The following APC variants were observed in gnomAD, a reference collection of about 807,000 sequenced individuals.
The protein encoded by APC is adenomatous polyposis coli protein.
Under a neutral mutation model 247.0 loss-of-function variants are expected in APC, and 72 were observed. The observed-to-expected ratio is 0.29, with a 90% CI of 0.24 to 0.35. The LOEUF (loss-of-function observed/expected upper bound fraction) is 0.35. Ranked by LOEUF, APC falls within the 10% of genes least tolerant of loss-of-function variation. The pLI is 1.00. For missense variants in APC, 3,400 were observed against 3,360.7 expected, an observed-to-expected ratio of 1.01 and a Z score of -0.29; for synonymous variants, 1,254 against 1,162.5, an observed-to-expected ratio of 1.08 and a Z score of -1.60.
chr5:112,784,460 A>G lies in APC; in HGVS notation c.645+3557A>G, dbSNP rs112733088. ...GCCAAAATTAAAATGCCTGTGCTCT[A>G]TGACCGTGTGTTTCTATAGGACTTC... On this transcript the variant is annotated intron_variant, in intron 6 of 15. Coordinates refer to ENST00000257430, the MANE Select transcript of APC (RefSeq NM_000038.6). Among the ~76,000 whole-genome samples the G allele has an allele frequency of 5.0e-3, 762 of 152,376 alleles. 8 individuals are homozygous for G. The highest frequency in any genetic ancestry group is 0.017 in the African/African-American group (726 of 41,588).
intron 7 of APC, among the ~76,000 whole-genome samples, chr5:112,794,414 T>C (rs1324936171): frequency 2.6e-5 from 4 of 152,176 alleles, no homozygotes; most frequent in African/African-American, 9.7e-5. Flanking sequence ...TATGTGCAGC[T>C]ATGTTTTGAC....
chr5:112,710,261 C>G (rs1399968429), intron 1 of APC, among the ~76,000 whole-genome samples: 1 of 152,144 alleles, frequency 6.6e-6, no homozygotes, highest in East Asian at 1.9e-4. Context: ...TCTGCTGGGT[C>G]TCTAGTGTTG....
intron 7 of APC, among the ~76,000 whole-genome samples, chr5:112,797,466 A>G (rs745643077): frequency 6.6e-6 from 1 of 152,158 alleles, no homozygotes; most frequent in Non-Finnish European, 1.5e-5. Context: ...TTCTTTGGCT[A>G]CCTGTATTAT....
In APC at chr5:112,840,211, A is replaced by G. The variant is rs1554086014; in HGVS notation, c.4617A>G (p.Ser1539=). The G allele has an allele frequency of 6.2e-7, 1 of 1,614,246 alleles. No homozygotes were observed. Among genetic ancestry groups the G allele is most frequent in the Non-Finnish European group, 8.5e-7 (1 of 1,180,038 alleles). The stretch of plus-strand genomic sequence containing the variant: ...ATGACAATGGGAATGAAACAGAATC[A>G]GAGCAGCCTAAAGAATCAAATGAAA... ...QENDNGNETE[S]EQPKESNENQ... Residue 1539 remains serine, a synonymous_variant, in exon 16 of 16, where the codon TCA becomes TCG. Transcript: ENST00000257430. This position sits in a 1 kb window ranked among gnomAD's most constrained non-coding sequence, Gnocchi z 4.1.
intron 2 of APC, among the ~76,000 whole-genome samples, chr5:112,756,734 GTC>G (rs1755027716): frequency 6.6e-6 from 1 of 152,136 alleles, no homozygotes; most frequent in African/African-American, 2.4e-5. Flanking sequence ...GAAGTGGAAT[GTC>G]TCTCAGAGTG....
At chr5:112,756,111 T>C (rs980498234) in intron 2 of APC, among the ~76,000 whole-genome samples, 4 of 152,232 alleles carry the variant, frequency 2.6e-5, no homozygotes, top group African/African-American at 9.6e-5. Flanking sequence ...TTTTTTCCTA[T>C]GCATTTCAAG....
intron 1 of APC, among the ~76,000 whole-genome samples, chr5:112,709,422 C>A (rs574807233): frequency 2.0e-5 from 3 of 152,244 alleles, no homozygotes; most frequent in Admixed American, 2.0e-4. Flanking sequence ...TCGTTGCTAG[C>A]CTTCACTTTT....
chr5:112,789,132 A>G (rs1384602962), intron 6 of APC, among the ~76,000 whole-genome samples: 3 of 152,244 alleles, frequency 2.0e-5, no homozygotes, highest in Admixed American at 2.0e-4. Context: ...GCAGTTTTTA[A>G]AAATCACTTT....
chr5:112,763,071 C>A (rs1755844417), intron 2 of APC, among the ~76,000 whole-genome samples: 1 of 152,100 alleles, frequency 6.6e-6, no homozygotes, highest in Non-Finnish European at 1.5e-5. Flanking sequence ...CTTTGGGAAT[C>A]TTTTTAAAAA....
At chr5:112,775,004 C>A (rs1460553128) in intron 4 of APC, among the ~76,000 whole-genome samples, 1 of 152,132 alleles carries the variant, frequency 6.6e-6, no homozygotes, top group Non-Finnish European at 1.5e-5. Flanking sequence ...AGTTTTATCC[C>A]TGTAACACTC....
chr5:112,722,730 A>G (rs1751552945), intron 1 of APC, among the ~76,000 whole-genome samples: 1 of 152,170 alleles, frequency 6.6e-6, no homozygotes, highest in Non-Finnish European at 1.5e-5. Flanking sequence ...CAAGGGATGC[A>G]GAAGAAGAGA....
chr5:112,814,995 G>A (rs189778430), intron 8 of APC, among the ~76,000 whole-genome samples: 4 of 152,118 alleles, frequency 2.6e-5, no homozygotes, highest in East Asian at 1.9e-4. Context: ...CTTCTACTGC[G>A]GTGTTTATAT....
chr5:112,826,762 T>C (rs929352076), intron 11 of APC, among the ~76,000 whole-genome samples: 1 of 152,108 alleles, frequency 6.6e-6, no homozygotes, highest in Non-Finnish European at 1.5e-5. Context: ...AGTTACCTTT[T>C]TCTGCTTATG....
intron 8 of APC, among the ~76,000 whole-genome samples, chr5:112,812,680 T>C (rs992265145): frequency 6.6e-6 from 1 of 152,224 alleles, no homozygotes; most frequent in Admixed American, 6.5e-5. Context: ...TGTGTTCATA[T>C]AGTTTCTGTC....
chr5:112,719,280 C>T (rs1751350697), intron 1 of APC, among the ~76,000 whole-genome samples: 1 of 151,524 alleles, frequency 6.6e-6, no homozygotes, highest in Admixed American at 6.6e-5. Flanking sequence ...TACAGTGGCA[C>T]AATCTTGGCT....
At position 112,840,535 on chromosome 5, in the gene APC, A is replaced by C. The variant is rs876660116; in HGVS notation, c.4941A>C (p.Thr1647=). The C allele has an allele frequency of 6.2e-7, 1 of 1,614,154 alleles. No homozygotes were observed. The highest frequency in any genetic ancestry group is 1.6e-4 in the Middle Eastern group (1 of 6,062). The stretch of plus-strand genomic sequence containing the variant: ...CACGGGTGTATTGTGTTGAAGGGAC[A>C]CCTATAAACTTTTCCACAGCTACAT... ...DMPRVYCVEG[T]PINFSTATSL... Residue 1647 remains threonine, a synonymous_variant, in exon 16 of 16, where the codon ACA becomes ACC. Coordinates refer to ENST00000257430, the MANE Select transcript of APC (RefSeq NM_000038.6). The surrounding 1 kb of genome is among the most constrained non-coding windows in gnomAD (Gnocchi z 4.1).
chr5:112,707,708 GGC>G, exon 1 of APC: 1 of 1,370,612 alleles, frequency 7.3e-7, no homozygotes, highest in South Asian at 1.2e-5. Context: ...CTCGGGCCTC[GGC>G]GCCCCCTATG....
intron 1 of APC, among the ~76,000 whole-genome samples, chr5:112,725,191 T>C (rs555755109): frequency 6.6e-6 from 1 of 152,214 alleles, no homozygotes; most frequent in South Asian, 2.1e-4. Flanking sequence ...CAGGCTGTTC[T>C]CAAACTACTG....
intron 7 of APC, among the ~76,000 whole-genome samples, chr5:112,794,712 C>T (rs1240716444): frequency 6.6e-6 from 1 of 152,146 alleles, no homozygotes; most frequent in African/African-American, 2.4e-5. Context: ...CACAAGACTG[C>T]TCCCACCTCA....
Sources: allele counts gnomAD v4.1 joint callset (sites outside exome capture counted in the v4.1 genomes callset), GRCh38; gene constraint gnomAD v4.1.1; non-coding constraint Gnocchi (gnomAD v3.1); transcripts MANE v1.5; gene names NCBI Gene and HGNC (gene_info 2026-07-23, HGNC 2026-07-21).